Variants in MARCHF10 observed in about 807,000 individuals in gnomAD.
MARCHF10 encodes the protein probable E3 ubiquitin-protein ligase MARCHF10.
In MARCHF10, 64 loss-of-function variants were observed where a neutral mutation model predicts 76.2. The ratio of observed to expected loss-of-function variants is 0.84; its 90% CI spans 0.69 to 1.03. MARCHF10 has a LOEUF of 1.03. Ranked by LOEUF, MARCHF10 falls within the 50% of genes least tolerant of loss-of-function variation. The pLI is 0.00. For missense variants in MARCHF10, 875 were observed against 958.0 expected, an observed-to-expected ratio of 0.91 and a Z score of 1.14; for synonymous variants, 340 against 357.5, an observed-to-expected ratio of 0.95 and a Z score of 0.55.
intron 4 of MARCHF10, among the ~76,000 whole-genome samples, chr17:62,754,694 C>T (rs1336908842): frequency 2.6e-5 from 4 of 151,944 alleles, no homozygotes; most frequent in East Asian, 1.9e-4. Context: ...GCGACAACCC[C>T]GAGCCCCCCT....
At chr17:62,768,151 T>C (rs1344493085) in intron 3 of MARCHF10, among the ~76,000 whole-genome samples, 1 of 152,208 alleles carries the variant, frequency 6.6e-6, no homozygotes, top group Non-Finnish European at 1.5e-5. Context: ...GATACACTTT[T>C]ATCTTGTCGA....
At chr17:62,717,197 C>T (rs1331503251) in intron 8 of MARCHF10, among the ~76,000 whole-genome samples, 1 of 152,230 alleles carries the variant, frequency 6.6e-6, no homozygotes, top group Non-Finnish European at 1.5e-5. Flanking sequence ...AGCAGACAGG[C>T]ACTATGAATT....
chr17:62,801,759 A>ATTTGTTTATCTTTTCTGT lies in MARCHF10; in HGVS notation c.-17-8_-17-7insACAGAAAAGATAAACAAA. 1 of 1,598,638 alleles carries ATTTGTTTATCTTTTCTGT rather than the reference A, an allele frequency of 6.3e-7. No individual in the cohort carries two copies. The highest frequency in any genetic ancestry group is 8.6e-7 in the Non-Finnish European group (1 of 1,165,964). On this transcript the variant is annotated splice_region_variant and splice_polypyrimidine_tract_variant and intron_variant, in intron 1 of 10. Transcript: ENST00000311269. ...ATGATTCCTAATCCCTGACCTGCAC[A>ATTTGTTTATCTTTTCTGT]GAAAAGATAAACAAATGTGCTGTGT...
intron 2 of MARCHF10, among the ~76,000 whole-genome samples, chr17:62,789,462 G>A (rs1242155836): frequency 1.3e-5 from 2 of 152,152 alleles, no homozygotes; most frequent in African/African-American, 4.8e-5. Flanking sequence ...TCTCCAGGCC[G>A]AATTAATTGT....
chr17:62,803,559 G>A (rs1196648824), intron 1 of MARCHF10, among the ~76,000 whole-genome samples: 3 of 151,734 alleles, frequency 2.0e-5, no homozygotes, highest in Non-Finnish European at 4.4e-5. Context: ...CTGCTCTGTC[G>A]CCCAGGCTGG....
chr17:62,793,475 T>TGC (rs2092917907), intron 2 of MARCHF10, among the ~76,000 whole-genome samples: 1 of 46,156 alleles, frequency 2.2e-5, no homozygotes, highest in Admixed American at 2.1e-4. Context: ...ACCACCACCA[T>TGC]CACCACCACC....
intron 7 of MARCHF10, among the ~76,000 whole-genome samples, chr17:62,723,431 G>A (rs1317347867): frequency 6.6e-6 from 1 of 151,730 alleles, no homozygotes; most frequent in Non-Finnish European, 1.5e-5. Context: ...GTAAAAATAG[G>A]GCTTGTGCAG....
Position 62,744,313 on chromosome 17 carries a change from G to A in MARCHF10, c.535+63C>T, listed in dbSNP as rs1251827206. The A allele has an allele frequency of 1.2e-5, 19 of 1,531,426 alleles. No homozygotes were observed. The East Asian group carries it at 1.4e-4, about 11-fold the overall frequency. The allele number at this position is 1,531,426 out of a possible 1,614,324, so 94.9% of individuals were successfully genotyped here. A position where few individuals can be genotyped will look rare whatever the true frequency, so the allele number is the denominator to read the frequency against. On this transcript the variant is annotated intron_variant, in intron 5 of 10. Coordinates refer to ENST00000311269, the MANE Select transcript of MARCHF10 (RefSeq NM_152598.4). ...ATCTAAAAACCATAAAGAATTCACC[G>A]GGTAACAGCAAAAATCAGTCCTCCT...
At position 62,734,586 on chromosome 17, in the gene MARCHF10, A is replaced by G. The variant is rs187409549; in HGVS notation, c.1937+1345T>C. ...AAATAATATCAACAGATACTCACTA[A>G]AAATTGCATTTATATGCAAAGATAA... is the stretch of plus-strand genomic sequence containing the variant. On this transcript the variant is annotated intron_variant, in intron 6 of 10. Coordinates refer to ENST00000311269, the MANE Select transcript of MARCHF10 (RefSeq NM_152598.4). Among the ~76,000 whole-genome samples, 406 of 152,354 alleles carry G rather than the reference A, an allele frequency of 2.7e-3. 3 individuals are homozygous for G. Among genetic ancestry groups the G allele is most frequent in the African/African-American group, 9.4e-3 (390 of 41,580 alleles).
rs1405902278 is a variant in MARCHF10, at chr17:62,738,759, A to G, written c.536-1427T>C. 6.6e-6 allele frequency among the ~76,000 whole-genome samples: 1 copy of G among 152,196 alleles called. No homozygotes were observed. Among genetic ancestry groups the G allele is most frequent in the Non-Finnish European group, 1.5e-5 (1 of 68,028 alleles). ...TTATTGTTAACTGCATGGGACACTC[A>G]GCAACGCAGTATGAATCTTGACTCA... On this transcript the variant is annotated intron_variant, in intron 5 of 10. Coordinates refer to ENST00000311269, the MANE Select transcript of MARCHF10 (RefSeq NM_152598.4). This position sits in a 1 kb window ranked among gnomAD's most constrained non-coding sequence, Gnocchi z 4.0.
At chr17:62,772,651 TA>T (rs1472107353) in intron 3 of MARCHF10, among the ~76,000 whole-genome samples, 1 of 152,140 alleles carries the variant, frequency 6.6e-6, no homozygotes, top group Non-Finnish European at 1.5e-5. Context: ...CTTTGGCTGC[TA>T]AAATGTTCAA....
intron 3 of MARCHF10, among the ~76,000 whole-genome samples, chr17:62,778,987 G>C (rs1192590761): frequency 6.6e-6 from 1 of 152,170 alleles, no homozygotes; most frequent in African/African-American, 2.4e-5. Context: ...CGGCTAAAAT[G>C]GAAAACAAAC....
At chr17:62,780,041 G>A (rs895225117) in intron 3 of MARCHF10, among the ~76,000 whole-genome samples, 1 of 151,956 alleles carries the variant, frequency 6.6e-6, no homozygotes, top group Non-Finnish European at 1.5e-5. Context: ...AGGTGGCAGT[G>A]AGCTGAGATC....
chr17:62,759,161 A>G (rs1007296918), intron 4 of MARCHF10, among the ~76,000 whole-genome samples: 7 of 152,342 alleles, frequency 4.6e-5, no homozygotes, highest in Non-Finnish European at 8.8e-5. Flanking sequence ...AAATTATGCT[A>G]TTCAGATGTA....
intron 3 of MARCHF10, among the ~76,000 whole-genome samples, chr17:62,783,194 GTTTTTTTTTTTTT>G (rs201262979): frequency 5.6e-5 from 4 of 71,366 alleles, no homozygotes; most frequent in African/African-American, 1.4e-4. Flanking sequence ...AAAATTGCCA[GTTTTTTTTTTTTT>G]TTTTTTTTTT....
At chr17:62,754,616 C>T (rs1018938234) in intron 4 of MARCHF10, among the ~76,000 whole-genome samples, 4 of 152,020 alleles carry the variant, frequency 2.6e-5, no homozygotes, top group South Asian at 2.1e-4. Flanking sequence ...AGAAGTTGTC[C>T]GCTCACATTT....
chr17:62,734,339 T>G (rs927918722), intron 6 of MARCHF10, among the ~76,000 whole-genome samples: 7 of 151,036 alleles, frequency 4.6e-5, no homozygotes, highest in Non-Finnish European at 8.9e-5. Flanking sequence ...GAAGATAGGG[T>G]GGGTGAGGGG....
chr17:62,737,240 T>C lies in MARCHF10; in HGVS notation c.628A>G (p.Met210Val), dbSNP rs1568137057. ...GCTCTATCAGGGGCGTTCTCAGTCA[T>C]TGGCTGTGACGATGGGACCAAGTTT... ...RRNLVPSSQPMTENAPDRAKK... is the reference protein window; with the variant it reads ...RRNLVPSSQPVTENAPDRAKK... Residue 210 changes from methionine (M) to valine (V), a missense_variant, in exon 6 of 11, where the codon ATG becomes GTG. Transcript: ENST00000311269. 1.2e-6 allele frequency: 2 copies of C among 1,614,106 alleles called. No homozygotes were observed. Among genetic ancestry groups the C allele is most frequent in the Non-Finnish European group, 1.7e-6 (2 of 1,180,024 alleles).
At chr17:62,767,291 T>A (rs2092354568) in intron 3 of MARCHF10, among the ~76,000 whole-genome samples, 1 of 152,178 alleles carries the variant, frequency 6.6e-6, no homozygotes, top group Non-Finnish European at 1.5e-5. Flanking sequence ...AATCTCTTTG[T>A]GGTTTCAATG....
Sources: allele counts gnomAD v4.1 joint callset (sites outside exome capture counted in the v4.1 genomes callset), GRCh38; gene constraint gnomAD v4.1.1; non-coding constraint Gnocchi (gnomAD v3.1); transcripts MANE v1.5; gene names NCBI Gene and HGNC (gene_info 2026-07-23, HGNC 2026-07-21).